The following LRRC37A variants were observed in gnomAD, a reference collection of about 807,000 sequenced individuals.
The protein encoded by LRRC37A is leucine rich repeat containing 37A.
Under a neutral mutation model 35.4 loss-of-function variants are expected in LRRC37A, and 3 were observed. The ratio of observed to expected loss-of-function variants is 0.08; its 90% CI spans 0.04 to 0.22. The LOEUF is 0.22. Among genes scored for constraint, LRRC37A ranks in the 10% least tolerant of loss-of-function variants. The pLI is 1.00. For synonymous variants in LRRC37A, 23 were observed against 215.0 expected (o/e 0.11, Z 7.81); for missense variants, 67 against 565.3 (o/e 0.12, Z 8.94).
chr17:46,270,681 G>A, the LRRC37A span, among the ~76,000 whole-genome samples: 1 of 152,200 alleles, frequency 6.6e-6, no homozygotes, highest in Non-Finnish European at 1.5e-5. Flanking sequence ...GACCAAGGCG[G>A]GTGGATCACA....
chr17:46,269,288 C>A, the LRRC37A span, among the ~76,000 whole-genome samples: 1 of 152,222 alleles, frequency 6.6e-6, no homozygotes, highest in Non-Finnish European at 1.5e-5. Flanking sequence ...AATCCCAGCA[C>A]TTTGAGAGGC....
intron 7 of LRRC37A, among the ~76,000 whole-genome samples, chr17:46,324,952 CCCA>C (rs2051649177): frequency 2.6e-5 from 2 of 77,802 alleles, no homozygotes; most frequent in South Asian, 1.1e-3. Context: ...GCCACCAGCC[CCCA>C]CAATATGGCA....
the LRRC37A span, among the ~76,000 whole-genome samples, chr17:46,266,577 A>T: frequency 6.6e-6 from 1 of 152,212 alleles, no homozygotes; most frequent in Non-Finnish European, 1.5e-5. Context: ...AGAGAAAGCA[A>T]GCAAAAGCCC....
At chr17:46,280,046 TC>T in the LRRC37A span, among the ~76,000 whole-genome samples, 21,683 of 151,994 alleles carry the variant, frequency 0.14, 1,870 homozygotes, top group Non-Finnish European at 0.22. Flanking sequence ...CTCATTGCTT[TC>T]CCTGAACCTC....
At chr17:46,332,233 T>C (rs2051986637) in intron 9 of LRRC37A, among the ~76,000 whole-genome samples, 1 of 42,056 alleles carries the variant, frequency 2.4e-5, no homozygotes, top group Non-Finnish European at 4.0e-5. Flanking sequence ...GTGGGTGGAT[T>C]ACTTGAAGTC....
chr17:46,332,192 G>A (rs1203372851), intron 9 of LRRC37A, among the ~76,000 whole-genome samples: 9 of 25,798 alleles, frequency 3.5e-4, no homozygotes, highest in African/African-American at 8.2e-4. Context: ...GGTAGCTCAC[G>A]CCTGTAATCT....
chr17:46,263,099 G>A, the LRRC37A span, among the ~76,000 whole-genome samples: 1 of 152,070 alleles, frequency 6.6e-6, no homozygotes, highest in Non-Finnish European at 1.5e-5. Context: ...TGTAGTCCCA[G>A]CTACTCTGGA....
chr17:46,288,690 C>T (rs1393850509), upstream of LRRC37A, among the ~76,000 whole-genome samples: 1 of 151,024 alleles, frequency 6.6e-6, no homozygotes, highest in Non-Finnish European at 1.5e-5. Context: ...GGCTTCTTTA[C>T]TGCATCTTGT....
At chr17:46,268,408 T>C in the LRRC37A span, 2 of 940,412 alleles carry the variant, frequency 2.1e-6, no homozygotes, top group Non-Finnish European at 2.9e-6. Flanking sequence ...AGCAAGATAG[T>C]AGATTGCAGC....
the LRRC37A span, among the ~76,000 whole-genome samples, chr17:46,264,082 C>T: frequency 6.6e-6 from 1 of 151,564 alleles, no homozygotes; most frequent in South Asian, 2.1e-4. Flanking sequence ...AAGTAAAATG[C>T]TATCCTGAGT....
At chr17:46,267,400 G>C in the LRRC37A span, 3 of 1,608,476 alleles carry the variant, frequency 1.9e-6, no homozygotes, top group Non-Finnish European at 2.5e-6. Context: ...GGATCGGGAC[G>C]GGCTGTACAA....
At chr17:46,268,296 G>A in the LRRC37A span, among the ~76,000 whole-genome samples, 1 of 152,322 alleles carries the variant, frequency 6.6e-6, no homozygotes, top group South Asian at 2.1e-4. Flanking sequence ...TAGGATTAAA[G>A]GCGTGAGCCA....
the LRRC37A span, among the ~76,000 whole-genome samples, chr17:46,273,931 T>G: frequency 6.6e-6 from 1 of 152,384 alleles, no homozygotes; most frequent in African/African-American, 2.4e-5. Flanking sequence ...TATCACAGAA[T>G]GTACAGATGA....
At chr17:46,263,854 C>CAAAA in the LRRC37A span, among the ~76,000 whole-genome samples, 11 of 96,204 alleles carry the variant, frequency 1.1e-4, no homozygotes, top group Non-Finnish European at 1.9e-4. Context: ...GACTCTGTCT[C>CAAAA]AAAAAAAAAA....
Position 46,305,419 on chromosome 17 carries a change from A to G in LRRC37A, c.2754-90A>G. 2 of 389,552 alleles carry G rather than the reference A, an allele frequency of 5.1e-6. 1 individual carries two copies. Among genetic ancestry groups the G allele is most frequent in the South Asian group, 6.1e-5 (2 of 32,912 alleles). 24.1% of individuals were successfully genotyped at this position (389,552 alleles called of 1,614,324 possible). ...CAAACGTTTAGAGTTGAGATGAAAA[A>G]TAGGTATTCAGTATTATTCTAAACT... On this transcript the variant is annotated intron_variant, in intron 3 of 13. Transcript: ENST00000320254.
the LRRC37A span, chr17:46,275,470 G>T: frequency 1.3e-5 from 10 of 751,280 alleles, no homozygotes; most frequent in Non-Finnish European, 2.0e-5. Context: ...TTTTGAAAAT[G>T]ATGCTTTATG....
the LRRC37A span, among the ~76,000 whole-genome samples, chr17:46,248,232 C>G: frequency 1.2e-4 from 19 of 152,004 alleles, no homozygotes; most frequent in African/African-American, 3.9e-4. Context: ...TTTCTTAAGT[C>G]AGGTTTATTG....
chr17:46,262,100 C>T, the LRRC37A span, among the ~76,000 whole-genome samples: 7 of 152,212 alleles, frequency 4.6e-5, no homozygotes, highest in East Asian at 1.9e-4. Context: ...CAGGCGAGCA[C>T]CATCATACCT....
the LRRC37A span, among the ~76,000 whole-genome samples, chr17:46,287,401 A>T: frequency 3.9e-4 from 60 of 152,390 alleles, no homozygotes; most frequent in South Asian, 6.2e-4. Context: ...TTAAAAATGT[A>T]TCTCACAATT....
Sources: gnomAD v4.1 joint callset for allele counts (sites outside exome capture counted in the v4.1 genomes callset) on GRCh38, gnomAD v4.1.1 for gene constraint, MANE v1.5 for transcripts, NCBI Gene and HGNC (gene_info 2026-07-23, HGNC 2026-07-21) for gene names.